HTR2A: variants seen among roughly 807,000 people sequenced by gnomAD.
HTR2A encodes the protein 5-HT2 receptor.
A neutral mutation model predicts 31.0 loss-of-function variants in HTR2A; 14 were observed. That is an observed-to-expected ratio of 0.45 (90% CI 0.30 to 0.71). HTR2A has a LOEUF of 0.71. Among genes scored for constraint, HTR2A ranks in the 30% least tolerant of loss-of-function variants. The probability of loss-of-function intolerance (pLI) is 0.09; values close to 1 mark genes in which losing one functional copy is unlikely to be tolerated. For synonymous variants in HTR2A, 209 were observed against 225.2 expected (o/e 0.93, Z 0.64); for missense variants, 442 against 573.3 (o/e 0.77, Z 2.34).
intron 3 of HTR2A, among the ~76,000 whole-genome samples, chr13:46,850,640 C>G (rs922487228): frequency 1.3e-5 from 2 of 152,140 alleles, no homozygotes; most frequent in Non-Finnish European, 2.9e-5. Context: ...AGATCCGGAG[C>G]CTGGAATTCA....
At chr13:46,873,828 T>G (rs2138230475) in intron 3 of HTR2A, among the ~76,000 whole-genome samples, 1 of 152,330 alleles carries the variant, frequency 6.6e-6, no homozygotes, top group South Asian at 2.1e-4. Flanking sequence ...TTCTTGTCTT[T>G]CATTCAAATG....
intron 3 of HTR2A, among the ~76,000 whole-genome samples, chr13:46,865,741 C>A (rs7332753): frequency 0.01 from 1,550 of 152,296 alleles, 23 homozygotes; most frequent in African/African-American, 0.035. Flanking sequence ...CTAGTGGCTA[C>A]TCTATTGGAC....
chr13:46,845,053 C>T (rs746488059), intron 3 of HTR2A, among the ~76,000 whole-genome samples: 62 of 151,666 alleles, frequency 4.1e-4, no homozygotes, highest in East Asian at 5.8e-4. Context: ...TTTAAACACA[C>T]GAAACTACAG....
rs372093073 is a variant in HTR2A, at chr13:46,870,246, T to A, written c.613+22144A>T. ...GGACAGATATAGACTACTGTAGGGA[T>A]AGAATAAAATAAATCAGATCAAATG... On this transcript the variant is annotated intron_variant, in intron 3 of 3. Coordinates refer to ENST00000542664, the MANE Select transcript of HTR2A (RefSeq NM_000621.5). Among the ~76,000 whole-genome samples the A allele has an allele frequency of 3.9e-5, 6 of 152,234 alleles. No individual in the cohort carries two copies. In the East Asian group the frequency reaches 9.6e-4, roughly 24 times the overall value.
At chr13:46,840,596 G>C (rs1211172764) in intron 3 of HTR2A, among the ~76,000 whole-genome samples, 1 of 152,128 alleles carries the variant, frequency 6.6e-6, no homozygotes, top group Non-Finnish European at 1.5e-5. Flanking sequence ...AAGTAATTTA[G>C]TTAGAATCAC....
intron 3 of HTR2A, among the ~76,000 whole-genome samples, chr13:46,880,109 GA>G (rs1242164941): frequency 6.6e-6 from 1 of 152,200 alleles, no homozygotes; most frequent in East Asian, 1.9e-4. Flanking sequence ...CCAATTCGCA[GA>G]GTAAAATTTT....
chr13:46,851,609 T>G (rs1950685371), intron 3 of HTR2A, among the ~76,000 whole-genome samples: 1 of 152,214 alleles, frequency 6.6e-6, no homozygotes, highest in Non-Finnish European at 1.5e-5. Flanking sequence ...GCAGGATGGA[T>G]GTAGAGTAAC....
rs553029501 is a variant in HTR2A at position 46,842,590 on chromosome 13, G to T, written c.614-6951C>A. 5.9e-5 allele frequency among the ~76,000 whole-genome samples: 9 copies of T among 152,238 alleles called. No homozygotes were observed. The East Asian group carries it at 1.7e-3, about 29-fold the overall frequency. On this transcript the variant is annotated intron_variant, in intron 3 of 3. Transcript: ENST00000542664. ...ACCTTTTCCATCATATTACACAAGAGCCTATAGTGTCCCTAACACTCGAGC... is the reference window on the plus strand; with the variant it reads ...ACCTTTTCCATCATATTACACAAGATCCTATAGTGTCCCTAACACTCGAGC...
intron 3 of HTR2A, among the ~76,000 whole-genome samples, chr13:46,866,705 T>C (rs903926935): frequency 4.6e-5 from 7 of 152,132 alleles, no homozygotes; most frequent in African/African-American, 1.4e-4. Flanking sequence ...AAAATAAACA[T>C]AATAAATGCT....
intron 3 of HTR2A, among the ~76,000 whole-genome samples, chr13:46,850,140 G>A (rs568901020): frequency 1.3e-5 from 2 of 152,288 alleles, no homozygotes; most frequent in East Asian, 3.9e-4. Flanking sequence ...TAGTTAATTT[G>A]AGGACTTTCC....
chr13:46,881,029 G>A (rs937000516), intron 3 of HTR2A, among the ~76,000 whole-genome samples: 6 of 152,192 alleles, frequency 3.9e-5, no homozygotes, highest in African/African-American at 9.7e-5. Flanking sequence ...ACTCTGGCAG[G>A]CTCTCAGCTG....
chr13:46,853,706 T>C (rs1227554808), intron 3 of HTR2A, among the ~76,000 whole-genome samples: 1 of 152,154 alleles, frequency 6.6e-6, no homozygotes, highest in Non-Finnish European at 1.5e-5. Context: ...GGCAGGCCCC[T>C]GTCCAGGGTA....
At chr13:46,867,912 A>AT (rs67297388) in intron 3 of HTR2A, among the ~76,000 whole-genome samples, 1 of 152,098 alleles carries the variant, frequency 6.6e-6, no homozygotes, top group African/African-American at 2.4e-5. Context: ...TGAGATAGAG[A>AT]TTTTTTTAAA....
chr13:46,877,686 TA>T (rs1416506692), intron 3 of HTR2A, among the ~76,000 whole-genome samples: 2 of 152,096 alleles, frequency 1.3e-5, no homozygotes, highest in Non-Finnish European at 2.9e-5. Context: ...TGTGACCTAG[TA>T]GGGGAATAAA....
intron 3 of HTR2A, among the ~76,000 whole-genome samples, chr13:46,854,859 T>C (rs1950719730): frequency 6.6e-6 from 1 of 152,250 alleles, no homozygotes; most frequent in Non-Finnish European, 1.5e-5. Context: ...GAATGTGATC[T>C]TATTTGGAAA....
Position 46,832,600 on chromosome 13 carries a change from G to C in HTR2A, c.*2237C>G, listed in dbSNP as rs1274883394. On this transcript the variant is annotated 3_prime_UTR_variant, in exon 4 of 4. Transcript: ENST00000542664. ...TGAAGGCAAAATACATTAGAGTGGA[G>C]ACATTTTAACATTTATATTTTCATC... 6.6e-6 allele frequency: 1 copy of C among 152,148 alleles called. No homozygotes were observed. Among genetic ancestry groups the C allele is most frequent in the African/African-American group, 2.4e-5 (1 of 41,436 alleles). 9.4% of individuals were successfully genotyped at this position (152,148 alleles called of 1,614,324 possible). A position where few individuals can be genotyped will look rare whatever the true frequency, so the allele number is the denominator to read the frequency against.
At position 46,895,772 on chromosome 13, in the gene HTR2A, C is replaced by A; in HGVS notation, c.135G>T (p.Trp45Cys). 9.3e-6 allele frequency: 15 copies of A among 1,614,168 alleles called. No individual in the cohort carries two copies. The highest frequency in any genetic ancestry group is 1.3e-5 in the Non-Finnish European group (15 of 1,180,042). ...TGGTTCGATTTTCAGAGTCGACTGT[C>A]CAGTTAAATGCATCAGAAGTGTTAG... ...GEANTSDAFN[W>C]TVDSENRTNL... The change falls in exon 2 of 4, where the codon TGG (tryptophan) becomes TGT (cysteine). Residue 45 changes from tryptophan (W) to cysteine (C), a missense_variant. Physicochemically the swap from Trp to Cys is radical, Grantham distance 215 (BLOSUM62 -2). Coordinates refer to ENST00000542664, the MANE Select transcript of HTR2A (RefSeq NM_000621.5). The surrounding 1 kb of genome is among the most constrained non-coding windows in gnomAD (Gnocchi z 4.4).
intron 3 of HTR2A, among the ~76,000 whole-genome samples, chr13:46,891,672 G>A (rs1287312932): frequency 6.6e-6 from 1 of 152,164 alleles, no homozygotes; most frequent in Non-Finnish European, 1.5e-5. Context: ...AGAATCTTTG[G>A]TTACCAACCA....
At chr13:46,852,112 G>A (rs1436372470) in intron 3 of HTR2A, 1 of 152,286 alleles carries the variant, frequency 6.6e-6, no homozygotes, top group African/African-American at 2.4e-5. Context: ...GTTTCTAGAA[G>A]CTGGAGGGGC....
Sources: gnomAD v4.1 joint callset for allele counts (sites outside exome capture counted in the v4.1 genomes callset) on GRCh38, gnomAD v4.1.1 for gene constraint, Gnocchi (gnomAD v3.1) non-coding constraint, MANE v1.5 for transcripts, NCBI Gene and HGNC (gene_info 2026-07-23, HGNC 2026-07-21) for gene names.